SAE1: variants seen among roughly 807,000 people sequenced by gnomAD.
The protein encoded by SAE1 is SUMO1 activating enzyme subunit 1, also known as SUMO-activating enzyme subunit 1.
In SAE1, 11 loss-of-function variants were observed where a neutral mutation model predicts 40.6. The observed-to-expected ratio is 0.27, with a 90% CI of 0.17 to 0.45. SAE1 has a LOEUF of 0.45. Among genes scored for constraint, SAE1 ranks in the 20% least tolerant of loss-of-function variants. The probability of loss-of-function intolerance (pLI) is 1.00; values close to 1 mark genes in which losing one functional copy is unlikely to be tolerated. For missense variants in SAE1, 373 were observed against 427.3 expected, an observed-to-expected ratio of 0.87 and a Z score of 1.12; for synonymous variants, 155 against 154.3, an observed-to-expected ratio of 1.00 and a Z score of -0.03.
intron 6 of SAE1, among the ~76,000 whole-genome samples, chr19:47,184,731 A>C (rs2058532986): frequency 6.6e-6 from 1 of 151,886 alleles, no homozygotes; most frequent in African/African-American, 2.4e-5. Flanking sequence ...GTATTTTTTT[A>C]CGTAGGAGAG....
At chr19:47,162,483 T>A (rs1434181949) in intron 5 of SAE1, among the ~76,000 whole-genome samples, 2 of 152,202 alleles carry the variant, frequency 1.3e-5, no homozygotes, top group Non-Finnish European at 2.9e-5. Flanking sequence ...TTTGGTAACT[T>A]CAGGCGTTTT....
At chr19:47,174,906 A>G (rs149527) in intron 6 of SAE1, among the ~76,000 whole-genome samples, 1 of 151,418 alleles carries the variant, frequency 6.6e-6, no homozygotes, top group African/African-American at 2.4e-5. Flanking sequence ...ACGGGGTTTC[A>G]CCATGTTGGC....
intron 1 of SAE1, among the ~76,000 whole-genome samples, chr19:47,134,430 A>T (rs144414788): frequency 2.4e-4 from 36 of 152,142 alleles, no homozygotes; most frequent in African/African-American, 8.7e-4. Flanking sequence ...ATCATGAGGC[A>T]TTAACATTGG....
chr19:47,195,517 TAGTAAAGGA>T (rs1218915435), intron 6 of SAE1, among the ~76,000 whole-genome samples: 1 of 152,156 alleles, frequency 6.6e-6, no homozygotes, highest in Non-Finnish European at 1.5e-5. Context: ...ATAGTTTTCA[TAGTAAAGGA>T]AGTTTTGTTT....
rs893550502 is a variant in SAE1, at chr19:47,210,086, G to C, written c.*835G>C. 1 of 152,140 alleles carries C rather than the reference G, an allele frequency of 6.6e-6. No individual in the cohort carries two copies. The highest frequency in any genetic ancestry group is 1.5e-5 in the Non-Finnish European group (1 of 68,036). 9.4% of individuals were successfully genotyped at this position (152,140 alleles called of 1,614,324 possible). ...GGCTGTTGCATTTCAGGGCTATGTT[G>C]GTCCTTTGTTTACCTCCTAAACCAC... On this transcript the variant is annotated 3_prime_UTR_variant, in exon 9 of 9. Transcript: ENST00000270225.
chr19:47,197,193 A>G, intron 6 of SAE1, 40 bp from the exon 7 acceptor site: 1 of 1,569,808 alleles, frequency 6.4e-7, no homozygotes, highest in Non-Finnish European at 8.6e-7. Flanking sequence ...AAAAAAAAAA[A>G]AAGTGGCTTT....
At chr19:47,200,907 G>A (rs2123318729) in intron 7 of SAE1, among the ~76,000 whole-genome samples, 1 of 152,282 alleles carries the variant, frequency 6.6e-6, no homozygotes, top group South Asian at 2.1e-4. Context: ...ACCTAGGCTA[G>A]AGTGCAGTGG....
At chr19:47,138,878 G>T (rs76278517) in intron 1 of SAE1, among the ~76,000 whole-genome samples, 2 of 152,120 alleles carry the variant, frequency 1.3e-5, no homozygotes, top group Non-Finnish European at 2.9e-5. Flanking sequence ...AGCATAATTC[G>T]AGATAGAAGA....
At chr19:47,141,500 C>T (rs975496119) in intron 1 of SAE1, among the ~76,000 whole-genome samples, 1 of 151,982 alleles carries the variant, frequency 6.6e-6, no homozygotes, top group Non-Finnish European at 1.5e-5. Flanking sequence ...GAATGTAGGT[C>T]GTGGAGAGCA....
chr19:47,142,347 G>T (rs932725625), intron 1 of SAE1, among the ~76,000 whole-genome samples: 1 of 149,840 alleles, frequency 6.7e-6, no homozygotes. Context: ...TCACGCCACT[G>T]CACTCCAGCC....
rs34575308 is a variant in SAE1 at position 47,139,936 on chromosome 19, C to CTT, written c.99-3540_99-3539dup. On this transcript the variant is annotated intron_variant, in intron 1 of 8. Coordinates refer to ENST00000270225, the MANE Select transcript of SAE1 (RefSeq NM_005500.3). ...CATTTTTGTGCCCACTTGGGTATTT[C>CTT]TTTTTTTTTTTTTTTTTTTGAGACG... Among the ~76,000 whole-genome samples, 27 of 111,550 alleles carry CTT rather than the reference C, an allele frequency of 2.4e-4. 1 individual carries two copies. Among genetic ancestry groups the CTT allele is most frequent in the African/African-American group, 5.7e-4 (16 of 27,948 alleles). The allele number at this position is 111,550 out of a possible 152,430, so 73.2% of individuals were successfully genotyped here.
Position 47,164,684 on chromosome 19 carries a change from T to TGTCACCCAG in SAE1, c.628-5132_628-5124dup, listed in dbSNP as rs1401905775. Among the ~76,000 whole-genome samples, 5 of 141,438 alleles carry TGTCACCCAG rather than the reference T, an allele frequency of 3.5e-5. No individual in the cohort carries two copies. The East Asian group carries it at 1.1e-3, about 31-fold the overall frequency. The allele number at this position is 141,438 out of a possible 152,430, so 92.8% of individuals were successfully genotyped here. A position where few individuals can be genotyped will look rare whatever the true frequency, so the allele number is the denominator to read the frequency against. Reference sequence around the variant, plus strand: ...TTTTTTTTGAGACAGAGTCTTTCTCTGTCACCCAGGCGGGAGTGCAGTGGC... The same window carrying TGTCACCCAG: ...TTTTTTTTGAGACAGAGTCTTTCTCTGTCACCCAGGTCACCCAGGCGGGAGTGCAGTGGC... On this transcript the variant is annotated intron_variant, in intron 5 of 8. Coordinates refer to ENST00000270225, the MANE Select transcript of SAE1 (RefSeq NM_005500.3).
At chr19:47,152,183 C>A (rs562383209) in intron 3 of SAE1, among the ~76,000 whole-genome samples, 3 of 152,340 alleles carry the variant, frequency 2.0e-5, no homozygotes, top group Non-Finnish European at 4.4e-5. Context: ...CACAAAGCTT[C>A]TCCCGAAAAG....
At position 47,182,677 on chromosome 19, in the gene SAE1, G is replaced by C. The variant is rs541460337; in HGVS notation, c.733+12754G>C. 6.6e-5 allele frequency among the ~76,000 whole-genome samples: 10 copies of C among 152,116 alleles called. No individual in the cohort carries two copies. The South Asian group carries it at 2.1e-3, about 32-fold the overall frequency. On this transcript the variant is annotated intron_variant, in intron 6 of 8. Transcript: ENST00000270225. ...AGAGAGCTCATGAGAGAACAGAACT[G>C]GTTAGTCACCGACTCTGCTCCTCGG...
chr19:47,173,656 A>G (rs770155669), intron 6 of SAE1, among the ~76,000 whole-genome samples: 4 of 152,136 alleles, frequency 2.6e-5, no homozygotes, highest in Non-Finnish European at 5.9e-5. Flanking sequence ...ACTAGATGCC[A>G]GTAATATCTC....
intron 1 of SAE1, among the ~76,000 whole-genome samples, chr19:47,137,725 GT>G (rs2058190236): frequency 1.0e-5 from 1 of 97,080 alleles, no homozygotes; most frequent in African/African-American, 3.4e-5. Context: ...GTGTGTGTGT[GT>G]GTTGTTTTTT....
chr19:47,142,485 C>G (rs995459169), intron 1 of SAE1: 5 of 150,624 alleles, frequency 3.3e-5, no homozygotes, highest in Admixed American at 6.7e-5. Context: ...TGCCTCTTCT[C>G]AGCACCTCTT....
chr19:47,180,394 T>C (rs2058498483), intron 6 of SAE1: 1 of 381,636 alleles, frequency 2.6e-6, no homozygotes, highest in South Asian at 1.9e-5. Context: ...AATAATCAAT[T>C]AATGTAAACA....
chr19:47,206,279 G>A (rs2058686229), intron 8 of SAE1, among the ~76,000 whole-genome samples: 1 of 152,148 alleles, frequency 6.6e-6, no homozygotes, highest in African/African-American at 2.4e-5. Context: ...TTTACCTTTT[G>A]CCCCATGTCA....
Sources: gnomAD v4.1 joint callset for allele counts (sites outside exome capture counted in the v4.1 genomes callset) on GRCh38, gnomAD v4.1.1 for gene constraint, MANE v1.5 for transcripts, NCBI Gene and HGNC (gene_info 2026-07-23, HGNC 2026-07-21) for gene names.